The following SNTG1 variants were observed in gnomAD, a reference collection of about 807,000 sequenced individuals.
The protein encoded by SNTG1 is syntrophin gamma 1, also known as gamma-1-syntrophin.
In SNTG1, 39 loss-of-function variants were observed where a neutral mutation model predicts 74.7. The observed-to-expected ratio is 0.52, with a 90% CI of 0.40 to 0.68. The LOEUF (loss-of-function observed/expected upper bound fraction) is 0.68. SNTG1 is among the 30% of genes least tolerant of loss of function. The pLI is 0.00. For synonymous variants in SNTG1, 254 were observed against 217.1 expected, an observed-to-expected ratio of 1.17 and a Z score of -1.49; for missense variants, 685 against 609.5, an observed-to-expected ratio of 1.12 and a Z score of -1.30.
intron 17 of SNTG1, among the ~76,000 whole-genome samples, chr8:50,739,898 G>A (rs550921742): frequency 3.9e-5 from 6 of 152,108 alleles, no homozygotes; most frequent in African/African-American, 1.4e-4. Context: ...TTCAATTAAT[G>A]ATGCTGAGAT....
intron 12 of SNTG1, among the ~76,000 whole-genome samples, chr8:50,584,848 T>A (rs1158813054): frequency 6.6e-6 from 1 of 152,118 alleles, no homozygotes; most frequent in African/African-American, 2.4e-5. Flanking sequence ...TCCCCGCAGA[T>A]GGAGCTGCCC....
Position 50,394,278 on chromosome 8 carries a change from C to T in SNTG1, c.27+13C>T. 1.2e-6 allele frequency: 2 copies of T among 1,610,588 alleles called. No homozygotes were observed. Among genetic ancestry groups the T allele is most frequent in the African/African-American group, 1.3e-5 (1 of 74,874 alleles). ...CGCCTGTGAGGAGGTGAGTACAGAG[C>T]TTTCTGCTTTTCAAACAGGGAAAAC... On this transcript the variant is annotated intron_variant, in intron 3 of 18. Coordinates refer to ENST00000642720, the MANE Select transcript of SNTG1 (RefSeq NM_018967.5).
chr8:49,951,226 G>T (rs933232625), intron 1 of SNTG1, among the ~76,000 whole-genome samples: 2 of 152,082 alleles, frequency 1.3e-5, no homozygotes, highest in Non-Finnish European at 2.9e-5. Context: ...AATACTTAAA[G>T]GTGAAGACAG....
At position 50,033,145 on chromosome 8, in the gene SNTG1, C is replaced by T. The variant is rs1223411059; in HGVS notation, c.-103+120914C>T. ...TTTTTTTTTTTTTGAGACGGAGTTT[C>T]GCTCTTGTTGCCCGGGTTGGAGTGC... On this transcript the variant is annotated intron_variant, in intron 1 of 18. Transcript: ENST00000642720. Among the ~76,000 whole-genome samples, 12 of 147,482 alleles carry T rather than the reference C, an allele frequency of 8.1e-5. No individual in the cohort carries two copies. In the East Asian group the frequency reaches 1.6e-3, roughly 19 times the overall value.
In SNTG1 at chr8:50,421,009, G is replaced by A. The variant is rs570478404; in HGVS notation, c.163-17534G>A. On this transcript the variant is annotated intron_variant, in intron 4 of 18. Coordinates refer to ENST00000642720, the MANE Select transcript of SNTG1 (RefSeq NM_018967.5). ...CACTGCACTCCAGCCTGGCAACAGA[G>A]TGAGACTCCACTTAAAAAAAAAAAA... 1.4e-3 allele frequency among the ~76,000 whole-genome samples: 167 copies of A among 120,968 alleles called. 1 individual carries two copies. Among genetic ancestry groups the A allele is most frequent in the African/African-American group, 4.8e-3 (158 of 32,950 alleles). 79.4% of individuals were successfully genotyped at this position (120,968 alleles called of 152,430 possible). A position where few individuals can be genotyped will look rare whatever the true frequency, so the allele number is the denominator to read the frequency against.
intron 2 of SNTG1, among the ~76,000 whole-genome samples, chr8:50,323,245 T>G (rs1347455029): frequency 6.6e-6 from 1 of 152,240 alleles, no homozygotes; most frequent in East Asian, 1.9e-4. Flanking sequence ...GAATTCCTTC[T>G]CTGTGTTTTG....
At chr8:50,614,005 T>C (rs542698125) in intron 13 of SNTG1, among the ~76,000 whole-genome samples, 6 of 152,238 alleles carry the variant, frequency 3.9e-5, no homozygotes, top group East Asian at 1.9e-4. Context: ...GTCTATGAGA[T>C]TGTACACCCT....
intron 2 of SNTG1, among the ~76,000 whole-genome samples, chr8:50,300,057 T>G (rs1347820778): frequency 6.6e-6 from 1 of 150,712 alleles, no homozygotes; most frequent in Non-Finnish European, 1.5e-5. Context: ...TTTAAAACAC[T>G]TTTTTTGAGA....
intron 11 of SNTG1, among the ~76,000 whole-genome samples, chr8:50,545,629 T>A (rs925613850): frequency 6.6e-6 from 1 of 151,906 alleles, no homozygotes; most frequent in African/African-American, 2.4e-5. Context: ...CTTAGTTTTT[T>A]CTTTAGGTAG....
intron 17 of SNTG1, among the ~76,000 whole-genome samples, chr8:50,740,823 GATCATTTAC>G (rs2095541611): frequency 6.6e-6 from 1 of 151,982 alleles, no homozygotes; most frequent in Non-Finnish European, 1.5e-5. Flanking sequence ...AAAAGAATGA[GATCATTTAC>G]ATTGCAGGCA....
intron 1 of SNTG1, among the ~76,000 whole-genome samples, chr8:49,949,685 T>A (rs151226044): frequency 6.6e-6 from 1 of 152,368 alleles, no homozygotes; most frequent in African/African-American, 2.4e-5. Context: ...AAATTCCATG[T>A]GCTCATAGGT....
intron 9 of SNTG1, among the ~76,000 whole-genome samples, chr8:50,504,291 T>C (rs370927284): frequency 6.6e-6 from 1 of 152,332 alleles, no homozygotes; most frequent in Non-Finnish European, 1.5e-5. Context: ...TTGTGAATAG[T>C]GCTGCAATGA....
chr8:50,217,388 G>A (rs765266016), intron 2 of SNTG1, among the ~76,000 whole-genome samples: 24 of 151,956 alleles, frequency 1.6e-4, no homozygotes, highest in African/African-American at 7.3e-5. Context: ...TATATTATAT[G>A]TCAGAATCAA....
intron 2 of SNTG1, among the ~76,000 whole-genome samples, chr8:50,180,494 A>G (rs1401863557): frequency 6.6e-6 from 1 of 152,170 alleles, no homozygotes; most frequent in African/African-American, 2.4e-5. Context: ...TATTTGCACA[A>G]TGTTGTGAAT....
chr8:50,600,103 T>C (rs1052010450), intron 13 of SNTG1, among the ~76,000 whole-genome samples: 1 of 152,184 alleles, frequency 6.6e-6, no homozygotes, highest in African/African-American at 2.4e-5. Flanking sequence ...ATGTGTCACA[T>C]TGATTGATTT....
At chr8:50,716,934 C>T (rs1375854050) in intron 17 of SNTG1, among the ~76,000 whole-genome samples, 1 of 151,916 alleles carries the variant, frequency 6.6e-6, no homozygotes, top group Non-Finnish European at 1.5e-5. Flanking sequence ...GACTAAGTTT[C>T]ACCGTGTTAG....
intron 3 of SNTG1, among the ~76,000 whole-genome samples, chr8:50,395,528 G>T (rs1165083623): frequency 6.3e-5 from 6 of 94,532 alleles, no homozygotes; most frequent in Admixed American, 1.2e-4. Flanking sequence ...TTTTTTAATG[G>T]AGTCTCACTC....
intron 8 of SNTG1, among the ~76,000 whole-genome samples, chr8:50,479,796 G>A (rs1316436702): frequency 3.3e-5 from 5 of 151,982 alleles, no homozygotes; most frequent in Non-Finnish European, 5.9e-5. Flanking sequence ...AGTTTTCCAA[G>A]ACATCTCATG....
intron 4 of SNTG1, among the ~76,000 whole-genome samples, chr8:50,438,067 T>A (rs1563386792): frequency 6.6e-6 from 1 of 152,178 alleles, no homozygotes; most frequent in Non-Finnish European, 1.5e-5. Flanking sequence ...CACACACATG[T>A]AGCATTTCTG....
Sources: allele counts gnomAD v4.1 joint callset (sites outside exome capture counted in the v4.1 genomes callset), GRCh38; gene constraint gnomAD v4.1.1; transcripts MANE v1.5; gene names NCBI Gene and HGNC (gene_info 2026-07-23, HGNC 2026-07-21).